The following DIP2A variants were observed in gnomAD, a reference collection of about 807,000 sequenced individuals.
DIP2A encodes DIP2 acetate--CoA ligase A, also known as disco-interacting protein 2 homolog A.
A neutral mutation model predicts 177.4 loss-of-function variants in DIP2A; 85 were observed. The ratio of observed to expected loss-of-function variants is 0.48; its 90% CI spans 0.40 to 0.57. DIP2A has a LOEUF of 0.57. DIP2A is among the 20% of genes least tolerant of loss of function. The pLI is 0.00. For synonymous variants in DIP2A, 886 were observed against 881.8 expected, an observed-to-expected ratio of 1.00 and a Z score of -0.08; for missense variants, 1,791 against 2,100.2, an observed-to-expected ratio of 0.85 and a Z score of 2.88.
chr21:46,565,012 C>T (rs1190278360), intron 35 of DIP2A, among the ~76,000 whole-genome samples: 1 of 152,248 alleles, frequency 6.6e-6, no homozygotes, highest in East Asian at 1.9e-4. Context: ...CCGTTCTCCT[C>T]TTTCAGACGC....
intron 1 of DIP2A, among the ~76,000 whole-genome samples, chr21:46,478,602 G>T (rs892264503): frequency 2.6e-5 from 4 of 152,046 alleles, no homozygotes; most frequent in Admixed American, 1.3e-4. Flanking sequence ...TCATGAATGT[G>T]GTATATCCTT....
intron 8 of DIP2A, among the ~76,000 whole-genome samples, chr21:46,513,971 T>C (rs2148645324): frequency 1.3e-5 from 2 of 152,354 alleles, no homozygotes; most frequent in South Asian, 4.1e-4. Context: ...TTTCCCCTTT[T>C]TAAAGGCCTG....
chr21:46,483,161 A>G (rs2056461007), intron 1 of DIP2A, among the ~76,000 whole-genome samples: 1 of 152,164 alleles, frequency 6.6e-6, no homozygotes, highest in South Asian at 2.1e-4. Context: ...TTAAAAATGG[A>G]AGGCTTAGGG....
At chr21:46,501,107 A>G (rs550630071) in intron 5 of DIP2A, among the ~76,000 whole-genome samples, 1 of 152,356 alleles carries the variant, frequency 6.6e-6, no homozygotes, top group South Asian at 2.1e-4. Flanking sequence ...CTTCCCTCTT[A>G]TGACAGAAAT....
chr21:46,579,925 G>A, the DIP2A span, among the ~76,000 whole-genome samples: 2 of 152,168 alleles, frequency 1.3e-5, no homozygotes, highest in Non-Finnish European at 2.9e-5. Flanking sequence ...TGTATATTCT[G>A]TTGCTTTTGA....
chr21:46,550,097 A>G (rs1843790546), intron 22 of DIP2A: 1 of 1,249,160 alleles, frequency 8.0e-7, no homozygotes, highest in Non-Finnish European at 1.1e-6. Flanking sequence ...AATATAGAAT[A>G]ATTAATATAT....
chr21:46,478,744 TTA>T (rs1389063210), intron 1 of DIP2A, among the ~76,000 whole-genome samples: 2 of 149,906 alleles, frequency 1.3e-5, no homozygotes, highest in Non-Finnish European at 2.9e-5. Context: ...GTCCTAGAAT[TTA>T]TGTTTTTTTT....
Position 46,566,676 on chromosome 21 carries a change from G to A in DIP2A, c.4456G>A (p.Ala1486Thr), listed in dbSNP as rs1451242532. 6 of 1,614,148 alleles carry A rather than the reference G, an allele frequency of 3.7e-6. No homozygotes were observed. In the South Asian group the frequency reaches 5.5e-5, roughly 15 times the overall value. Residue 1486 changes from alanine to threonine, a missense_variant, in exon 37 of 38, where the codon GCT (alanine) becomes ACT (threonine). Coordinates refer to ENST00000417564, the MANE Select transcript of DIP2A (RefSeq NM_015151.4). The stretch of plus-strand genomic sequence containing the variant: ...TGTCATCCGAGCACACAGGAGCATC[G>A]CTGAGTGGTAAGAGCCCAGGTGGAG... ...TSVIRAHRSI[A>T]ECAVFTWTNL... is the part of the protein sequence containing the mutation.
At chr21:46,555,480 G>A (rs1042373296) in intron 28 of DIP2A, 56 of 194,150 alleles carry the variant, frequency 2.9e-4, no homozygotes, top group Non-Finnish European at 2.9e-4. Context: ...AAAGCCTCAC[G>A]GGCTTGCCTC....
At position 46,549,854 on chromosome 21, in the gene DIP2A, A is replaced by G. The variant is rs749746017; in HGVS notation, c.2606A>G (p.Asp869Gly). 2 of 1,612,498 alleles carry G rather than the reference A, an allele frequency of 1.2e-6. No individual in the cohort carries two copies. The highest frequency in any genetic ancestry group is 1.7e-6 in the Non-Finnish European group (2 of 1,179,958). ...AEQRPDASEE[D>G]SFQWMSRVLQ... ...CAGCGGCCGGATGCCTCGGAGGAGG[A>G]CAGCTTCCAGTGGATGAGCCGTGTG... The change falls in exon 22 of 38, where the codon GAC (aspartate) becomes GGC (glycine). Residue 869 changes from aspartate to glycine, a missense_variant. Transcript: ENST00000417564.
chr21:46,536,045 G>C (rs1278256872), intron 13 of DIP2A, among the ~76,000 whole-genome samples: 1 of 152,216 alleles, frequency 6.6e-6, no homozygotes, highest in Non-Finnish European at 1.5e-5. Context: ...TTGTGCCTAT[G>C]AATATTCACT....
At chr21:46,519,711 A>G (rs562739477) in intron 8 of DIP2A, among the ~76,000 whole-genome samples, 26 of 152,174 alleles carry the variant, frequency 1.7e-4, no homozygotes, top group Non-Finnish European at 2.9e-4. Context: ...ACAGCAATAT[A>G]TTCCACAACA....
intron 8 of DIP2A, among the ~76,000 whole-genome samples, chr21:46,520,373 T>G (rs2058772827): frequency 1.3e-5 from 2 of 152,238 alleles, no homozygotes; most frequent in South Asian, 4.1e-4. Context: ...TCAGCTCATG[T>G]CAAAACAAGT....
chr21:46,538,738 A>G (rs1373944204), intron 16 of DIP2A, 136 bp downstream of exon 16: 13 of 1,289,910 alleles, frequency 1.0e-5, no homozygotes, highest in East Asian at 2.6e-5. Context: ...CATCGTTTCT[A>G]TGACACGGAA....
chr21:46,539,277 T>G (rs1441065213), intron 16 of DIP2A: 1 of 163,314 alleles, frequency 6.1e-6, no homozygotes, highest in African/African-American at 2.4e-5. Context: ...CCTGCATCAT[T>G]GTCTATGCAC....
chr21:46,565,598 C>T, intron 35 of DIP2A, 115 bp from the exon 36 acceptor site: 1 of 1,089,738 alleles, frequency 9.2e-7, no homozygotes, highest in Non-Finnish European at 1.3e-6. Context: ...TATTATCCGC[C>T]CCGACTTCGT....
intron 1 of DIP2A, among the ~76,000 whole-genome samples, chr21:46,464,122 A>C (rs994133699): frequency 4.0e-5 from 6 of 151,880 alleles, no homozygotes; most frequent in Non-Finnish European, 7.4e-5. Flanking sequence ...AGCCAGGCGC[A>C]GTGGCTCACA....
chr21:46,516,772 C>G (rs978590457), intron 8 of DIP2A, among the ~76,000 whole-genome samples: 2 of 151,860 alleles, frequency 1.3e-5, no homozygotes, highest in African/African-American at 4.8e-5. Context: ...GGATTACAGC[C>G]ATGAGCCACC....
chr21:46,526,458 G>A (rs1198809569), intron 8 of DIP2A, among the ~76,000 whole-genome samples: 3 of 149,734 alleles, frequency 2.0e-5, no homozygotes, highest in African/African-American at 4.9e-5. Context: ...GCAGTGGCAC[G>A]ATCTTGGCTC....
Sources: gnomAD v4.1 joint callset for allele counts (sites outside exome capture counted in the v4.1 genomes callset) on GRCh38, gnomAD v4.1.1 for gene constraint, MANE v1.5 for transcripts, NCBI Gene and HGNC (gene_info 2026-07-23, HGNC 2026-07-21) for gene names.